Variants in DCTN3 observed in about 807,000 individuals in gnomAD.
DCTN3 encodes the protein dynactin subunit 3, also known as dynactin 3 (p22).
Under a neutral mutation model 28.4 loss-of-function variants are expected in DCTN3, and 25 were observed. That is an observed-to-expected ratio of 0.88 (90% CI 0.64 to 1.23). DCTN3 has a LOEUF of 1.23. DCTN3 is among the 50% of genes most tolerant of loss of function. The pLI, the probability that DCTN3 is intolerant of heterozygous loss-of-function variation, is 0.00. For synonymous variants in DCTN3, 81 were observed against 91.4 expected (o/e 0.89, Z 0.65); for missense variants, 229 against 232.0 (o/e 0.99, Z 0.08).
chr9:34,614,825 C>G, intron 4 of DCTN3, 57 bp from the exon 5 acceptor site: 1 of 1,599,576 alleles, frequency 6.3e-7, no homozygotes, highest in South Asian at 1.1e-5. Flanking sequence ...CGGGACTGCT[C>G]AATAGTCTAT....
chr9:34,618,688 G>C lies in DCTN3; in HGVS notation c.169C>G (p.Leu57Val). 1.9e-6 allele frequency: 3 copies of C among 1,613,998 alleles called. No homozygotes were observed. The highest frequency in any genetic ancestry group is 1.3e-5 in the African/African-American group (1 of 75,034). The stretch of plus-strand genomic sequence containing the variant: ...TGGAAGCACTTACTCTTTTTGTAGA[G>C]AATCTTCACCCTCTCCCTCTTGCTG... The part of the protein sequence containing the change: ...ISSKRERVKI[L>V]YKKIEDLIKY... Residue 57 changes from leucine to valine, a missense_variant, in exon 2 of 7, where the codon CTC becomes GTC. By Grantham distance (32) the Leu-to-Val change is conservative (BLOSUM62 1). Transcript: ENST00000259632.
intron 2 of DCTN3, 41 bp downstream of exon 2, chr9:34,618,635 G>C (rs1459330357): frequency 6.6e-7 from 1 of 1,509,092 alleles, no homozygotes; most frequent in Non-Finnish European, 9.2e-7. Flanking sequence ...AAGCTGAGGG[G>C]TGGGATGTCG....
rs1469918264 is a variant in DCTN3, at chr9:34,616,786, A to AGTTG, written c.269-677_269-674dup. 1.3e-5 allele frequency: 2 copies of AGTTG among 152,264 alleles called. No homozygotes were observed. Among genetic ancestry groups the AGTTG allele is most frequent in the Non-Finnish European group, 2.9e-5 (2 of 68,080 alleles). 9.4% of individuals were successfully genotyped at this position (152,264 alleles called of 1,614,324 possible). On this transcript the variant is annotated intron_variant, in intron 3 of 6. Transcript: ENST00000259632. This position sits in a 1 kb window ranked among gnomAD's most constrained non-coding sequence, Gnocchi z 4.7. Reference sequence around the variant, plus strand: ...GGAGTAGGGAGAGCACAGGAAACAGAGTTGGATGGGAGGGTAGACCCGGCC... The same window carrying AGTTG: ...GGAGTAGGGAGAGCACAGGAAACAGAGTTGGTTGGATGGGAGGGTAGACCCGGCC...
At chr9:34,615,915 A>AAT in intron 4 of DCTN3, 115 bp downstream of exon 4, 3 of 739,494 alleles carry the variant, frequency 4.1e-6, no homozygotes, top group South Asian at 2.0e-5. Flanking sequence ...AAAAAAAAAA[A>AAT]GATAAGGAAC....
At position 34,613,807 on chromosome 9, in the gene DCTN3, G is replaced by C. The variant is rs550305018; in HGVS notation, c.536C>G (p.Thr179Arg). 1.9e-6 allele frequency: 3 copies of C among 1,614,092 alleles called. No individual in the cohort carries two copies. Among genetic ancestry groups the C allele is most frequent in the Non-Finnish European group, 1.7e-6 (2 of 1,179,976 alleles). Reference protein sequence around the residue: ...DELLCQLEAATQVKPAEE With the variant: ...DELLCQLEAARQVKPAEE ...TCACTCCTCTGCTGGCTTCACTTGC[G>C]TGGCGGCCTCTAGCTGGCAAAGTAG... is the stretch of plus-strand genomic sequence containing the variant. The change falls in exon 7 of 7, where the codon ACG becomes AGG. Residue 179 changes from threonine to arginine, a missense_variant. Coordinates refer to ENST00000259632, the MANE Select transcript of DCTN3 (RefSeq NM_007234.5).
chr9:34,613,888 G>C lies in DCTN3; in HGVS notation c.472-17C>G. The stretch of plus-strand genomic sequence containing the variant: ...AAGCATTGTCTGGTTGTAGGTCAAG[G>C]TGAGAATAGGAATCTGAGTGAGGAA... On this transcript the variant is annotated splice_polypyrimidine_tract_variant and intron_variant, in intron 6 of 6. Transcript: ENST00000259632. The C allele has an allele frequency of 6.2e-7, 1 of 1,614,104 alleles. No individual in the cohort carries two copies. Among genetic ancestry groups the C allele is most frequent in the Non-Finnish European group, 8.5e-7 (1 of 1,180,034 alleles).
chr9:34,619,457 G>A (rs1207814294), intron 1 of DCTN3, among the ~76,000 whole-genome samples: 1 of 152,160 alleles, frequency 6.6e-6, no homozygotes, highest in African/African-American at 2.4e-5. Flanking sequence ...AGAATGTAAA[G>A]AATCCCAATA....
chr9:34,615,741 G>A (rs1007110719), intron 4 of DCTN3: 17 of 252,836 alleles, frequency 6.7e-5, no homozygotes, highest in Admixed American at 3.2e-4. Flanking sequence ...GTGAAACCCC[G>A]TCTCTACTAA....
At position 34,617,961 on chromosome 9, in the gene DCTN3, C is replaced by CAGAT; in HGVS notation, c.188_191dup (p.Ile65SerfsTer8). ...TGTACTCAGGATCCAGGTACTTGAT[C>CAGAT]AGATCTTCAACTAGAAAAGTAGCAA... is the stretch of plus-strand genomic sequence containing the variant. On this transcript the variant is annotated frameshift_variant, in exon 3 of 7. Transcript: ENST00000259632. LOFTEE classifies it high-confidence loss of function. The CAGAT allele has an allele frequency of 1.2e-6, 2 of 1,613,066 alleles. No homozygotes were observed. Among genetic ancestry groups the CAGAT allele is most frequent in the Non-Finnish European group, 1.7e-6 (2 of 1,179,176 alleles).
At chr9:34,615,961 G>T in intron 4 of DCTN3, 69 bp downstream of exon 4, 2 of 1,308,554 alleles carry the variant, frequency 1.5e-6, no homozygotes, top group Middle Eastern at 1.9e-4. Flanking sequence ...TGAAACACAG[G>T]AAAGTCTTGC....
intron 1 of DCTN3, among the ~76,000 whole-genome samples, chr9:34,619,979 G>T (rs558264110): frequency 6.6e-6 from 1 of 152,122 alleles, no homozygotes; most frequent in African/African-American, 2.4e-5. Context: ...CTCCCCAGGG[G>T]TCCCATGGAC....
chr9:34,619,731 T>G (rs1820508455), intron 1 of DCTN3, among the ~76,000 whole-genome samples: 1 of 152,210 alleles, frequency 6.6e-6, no homozygotes, highest in African/African-American at 2.4e-5. Flanking sequence ...TTGGACGCAC[T>G]TAGCTCCAGG....
In DCTN3 at chr9:34,620,419, C is replaced by T. The variant is rs762013693; in HGVS notation, c.46G>A (p.Glu16Lys). ...DLQRLQARVEELERWVYGPGG... is the reference protein window; with the variant it reads ...DLQRLQARVEKLERWVYGPGG... ...GGCCCGTACACCCAGCGCTCCAGCT[C>T]TTCCACTCGGGCCTGTAGCCGCTGC... Residue 16 changes from glutamate to lysine, a missense_variant, in exon 1 of 7, where the codon GAG becomes AAG. Physicochemically the swap from Glu to Lys is moderately conservative, Grantham distance 56. Coordinates refer to ENST00000259632, the MANE Select transcript of DCTN3 (RefSeq NM_007234.5). 5.1e-6 allele frequency: 8 copies of T among 1,567,046 alleles called. No homozygotes were observed. The highest frequency in any genetic ancestry group is 6.1e-6 in the Non-Finnish European group (7 of 1,156,734).
Position 34,620,439 on chromosome 9 carries a change from C to T in DCTN3, c.26G>A (p.Arg9Gln). 6.4e-7 allele frequency: 1 copy of T among 1,556,076 alleles called. No homozygotes were observed. The highest frequency in any genetic ancestry group is 8.7e-7 in the Non-Finnish European group (1 of 1,150,580). Residue 9 changes from arginine to glutamine, a missense_variant, in exon 1 of 7, where the codon CGG becomes CAG. By Grantham distance (43) the Arg-to-Gln change is conservative. Transcript: ENST00000259632. MAGLTDLQRLQARVEELER... is the reference protein window; with the variant it reads MAGLTDLQQLQARVEELER... ...CAGCTCTTCCACTCGGGCCTGTAGCCGCTGCAAGTCAGTCAGACCCGCCAT... is the reference window on the plus strand; with the variant it reads ...CAGCTCTTCCACTCGGGCCTGTAGCTGCTGCAAGTCAGTCAGACCCGCCAT...
Position 34,616,284 on chromosome 9 carries a change from A to T in DCTN3, c.269-171T>A. On this transcript the variant is annotated intron_variant, in intron 3 of 6. Transcript: ENST00000259632. The surrounding 1 kb of genome is among the most constrained non-coding windows in gnomAD (Gnocchi z 4.7). ...GGTGCACATTTCCATCCTGCCCCCA[A>T]CTCTCCTGGATGCCTCAGGTCTGAC... 1 of 569,996 alleles carries T rather than the reference A, an allele frequency of 1.8e-6. No homozygotes were observed. Among genetic ancestry groups the T allele is most frequent in the Non-Finnish European group, 3.2e-6 (1 of 315,076 alleles). The allele number at this position is 569,996 out of a possible 1,614,324, so 35.3% of individuals were successfully genotyped here.
Position 34,618,658 on chromosome 9 carries a change from C to T in DCTN3, c.181+18G>A. 1 of 1,606,640 alleles carries T rather than the reference C, an allele frequency of 6.2e-7. No homozygotes were observed. The highest frequency in any genetic ancestry group is 1.1e-5 in the South Asian group (1 of 90,944). ...GGGTGGGATGTCGGGCAGGCAGGCA[C>T]ATCATGGAAGCACTTACTCTTTTTG... On this transcript the variant is annotated intron_variant, in intron 2 of 6. Coordinates refer to ENST00000259632, the MANE Select transcript of DCTN3 (RefSeq NM_007234.5).
chr9:34,614,045 CTTG>C lies in DCTN3; in HGVS notation c.465_467del (p.Asn155del). Reference sequence around the variant, plus strand: ...CCTAGTTGAGCAGAAAGGATACAGTCTTGTTGTATTCCTCCAGGAGAGCCTTGG... The same window carrying C: ...CCTAGTTGAGCAGAAAGGATACAGTCTTGTATTCCTCCAGGAGAGCCTTGG... On this transcript the variant is annotated inframe_deletion, in exon 6 of 7. Transcript: ENST00000259632. 1 of 1,611,436 alleles carries C rather than the reference CTTG, an allele frequency of 6.2e-7. No individual in the cohort carries two copies. The highest frequency in any genetic ancestry group is 8.5e-7 in the Non-Finnish European group (1 of 1,178,184).
chr9:34,615,790 C>A, intron 4 of DCTN3: 1 of 363,058 alleles, frequency 2.8e-6, no homozygotes, highest in Non-Finnish European at 5.1e-6. Flanking sequence ...GTAATCCTAG[C>A]TACTTGGGAG....
In DCTN3 at chr9:34,615,877, G is replaced by T. The variant is rs1418679724; in HGVS notation, c.352+153C>A. The T allele has an allele frequency of 7.3e-6, 4 of 546,586 alleles. No homozygotes were observed. The East Asian group carries it at 9.6e-5, about 13-fold the overall frequency. The allele number at this position is 546,586 out of a possible 1,614,324, so 33.9% of individuals were successfully genotyped here. A position where few individuals can be genotyped will look rare whatever the true frequency, so the allele number is the denominator to read the frequency against. The stretch of plus-strand genomic sequence containing the variant: ...GATCATGCCACTGCACTCCAGCCTG[G>T]GTGACAGAGTACGACTCTGTCCAAA... On this transcript the variant is annotated intron_variant, in intron 4 of 6. Coordinates refer to ENST00000259632, the MANE Select transcript of DCTN3 (RefSeq NM_007234.5).
Sources: allele counts gnomAD v4.1 joint callset (sites outside exome capture counted in the v4.1 genomes callset), GRCh38; gene constraint gnomAD v4.1.1; non-coding constraint Gnocchi (gnomAD v3.1); transcripts MANE v1.5; gene names NCBI Gene and HGNC (gene_info 2026-07-23, HGNC 2026-07-21).